ARSL: variants seen among roughly 807,000 people sequenced by gnomAD.
ARSL encodes arylsulfatase E (chondrodysplasia punctata 1).
ARSL carries 4 observed loss-of-function variants against 31.1 expected under a neutral mutation model. The ratio of observed to expected loss-of-function variants is 0.13; its 90% confidence interval spans 0.06 to 0.29. The LOEUF is 0.29. ARSL is among the 10% of genes least tolerant of loss of function. ARSL has a pLI of 1.00. For synonymous variants in ARSL, 198 were observed against 209.9 expected, an observed-to-expected ratio of 0.94 and a Z score of 0.49; for missense variants, 312 against 497.8, an observed-to-expected ratio of 0.63 and a Z score of 3.55.
chrX:2,943,291 C>T, intron 7 of ARSL, 92 bp from the exon 8 acceptor site: 1 of 1,080,186 alleles, frequency 9.3e-7, no homozygotes, highest in Non-Finnish European at 1.3e-6. Flanking sequence ...GGGGGCTAGC[C>T]ACAAGAATGA....
chrX:2,952,550 G>A (rs1164520296), intron 5 of ARSL, among the ~76,000 whole-genome samples: 1 of 111,652 alleles, frequency 9.0e-6, no homozygotes, highest in African/African-American at 3.3e-5. Context: ...TTCACCTCCT[G>A]CCACCATCAC....
At chrX:2,960,996 AT>A (rs201405936) in intron 1 of ARSL, among the ~76,000 whole-genome samples, 3,540 of 111,017 alleles carry the variant, frequency 0.032, 141 homozygotes, top group African/African-American at 0.11. Context: ...AAGTGGGAGG[AT>A]TTGCTTGAGC....
chrX:2,944,200 A>T (rs12394933), intron 7 of ARSL, among the ~76,000 whole-genome samples: 1 of 109,346 alleles, frequency 9.1e-6, no homozygotes, highest in Non-Finnish European at 1.9e-5. Flanking sequence ...TCATCCCTGT[A>T]ATCCCAGCAC....
intron 10 of ARSL, among the ~76,000 whole-genome samples, chrX:2,935,426 A>C (rs910022362): frequency 8.9e-5 from 10 of 112,388 alleles, no homozygotes; most frequent in Non-Finnish European, 1.7e-4. Flanking sequence ...CAGAGAAAGA[A>C]GTTACAAAAG....
intron 10 of ARSL, among the ~76,000 whole-genome samples, 191 bp downstream of exon 10, chrX:2,936,551 T>C (rs2089204483): frequency 1.8e-5 from 2 of 111,282 alleles, no homozygotes; most frequent in South Asian, 7.6e-4. Flanking sequence ...AGAAGGCATG[T>C]CGCTGGAATG....
At chrX:2,938,984 G>C (rs1255784211) in intron 8 of ARSL, among the ~76,000 whole-genome samples, 3 of 110,084 alleles carry the variant, frequency 2.7e-5, no homozygotes, top group East Asian at 2.9e-4. Flanking sequence ...GCAGGAAGGA[G>C]CCTCCCCTAG....
chrX:2,952,452 C>A (rs1269075833), intron 5 of ARSL, among the ~76,000 whole-genome samples: 1 of 111,537 alleles, frequency 9.0e-6, no homozygotes, highest in African/African-American at 3.3e-5. Flanking sequence ...CAGGCATGAG[C>A]CACCGCGCCT....
At chrX:2,942,185 T>C (rs1053228499) in intron 8 of ARSL, among the ~76,000 whole-genome samples, 1 of 112,188 alleles carries the variant, frequency 8.9e-6, no homozygotes, top group Non-Finnish European at 1.9e-5. Context: ...CAAGTTTTAT[T>C]AGAGGTCTGA....
At chrX:2,948,910 C>A (rs1022183254) in intron 6 of ARSL, among the ~76,000 whole-genome samples, 2 of 110,808 alleles carry the variant, frequency 1.8e-5, no homozygotes, top group African/African-American at 6.6e-5. Flanking sequence ...ATTCTTCAAA[C>A]GTCAATTAAA....
At chrX:2,960,198 G>A (rs2089597658) in intron 2 of ARSL, among the ~76,000 whole-genome samples, 180 bp downstream of exon 2, 1 of 79,824 alleles carries the variant, frequency 1.3e-5, no homozygotes, top group Non-Finnish European at 2.6e-5. Flanking sequence ...GAACCCGGGA[G>A]GCGGAGCTTG....
intron 6 of ARSL, 37 bp downstream of exon 6, chrX:2,949,267 C>T: frequency 8.3e-7 from 1 of 1,205,830 alleles, no homozygotes; most frequent in Non-Finnish European, 1.1e-6. Context: ...CATTCCAAAG[C>T]TGAGTGCTTG....
At chrX:2,942,247 A>G (rs1014224948) in intron 8 of ARSL, among the ~76,000 whole-genome samples, 3 of 111,929 alleles carry the variant, frequency 2.7e-5, no homozygotes, top group African/African-American at 9.7e-5. Context: ...AAGGGTAATC[A>G]GCCCTGGCAC....
chrX:2,967,955 A>G (rs2089711138), upstream of ARSL, among the ~76,000 whole-genome samples: 1 of 112,217 alleles, frequency 8.9e-6, no homozygotes, highest in African/African-American at 3.2e-5. Context: ...TTACGTTTGG[A>G]AATCTCCCAT....
upstream of ARSL, among the ~76,000 whole-genome samples, chrX:2,967,030 A>G (rs1257141159): frequency 9.0e-6 from 1 of 111,696 alleles, no homozygotes; most frequent in Non-Finnish European, 1.9e-5. Flanking sequence ...AAAAATGTTT[A>G]TGTGTGTATG....
At chrX:2,967,209 C>A (rs2089706437), upstream of ARSL, among the ~76,000 whole-genome samples, 1 of 111,153 alleles carries the variant, frequency 9.0e-6, no homozygotes, top group Non-Finnish European at 1.9e-5. Flanking sequence ...AAATATAGGA[C>A]CCTCAAACAT....
At chrX:2,948,180 T>C (rs1266453299) in intron 6 of ARSL, among the ~76,000 whole-genome samples, 1 of 111,932 alleles carries the variant, frequency 8.9e-6, no homozygotes, top group Non-Finnish European at 1.9e-5. Flanking sequence ...AACCTCATTG[T>C]CACCAGGTAA....
chrX:2,934,665 A>G lies in ARSL; in HGVS notation c.*167T>C, dbSNP rs5982927. 2,578 of 423,803 alleles carry G rather than the reference A, an allele frequency of 6.1e-3. 47 individuals are homozygous for G. Among genetic ancestry groups the G allele is most frequent in the African/African-American group, 0.057 (2,278 of 39,650 alleles). 34.9% of individuals were successfully genotyped at this position (423,803 alleles called of 1,213,427 possible). A position where few individuals can be genotyped will look rare whatever the true frequency, so the allele number is the denominator to read the frequency against. ...AATTTTTTTTTTATTTTTGTTTTGT[A>G]GAGCTAGAGTTTCATCATGTTGCCC... On this transcript the variant is annotated 3_prime_UTR_variant, in exon 11 of 11. Transcript: ENST00000381134.
chrX:2,934,804 C>G lies in ARSL; in HGVS notation c.*28G>C. 1 of 1,172,750 alleles carries G rather than the reference C, an allele frequency of 8.5e-7. No homozygotes were observed. Among genetic ancestry groups the G allele is most frequent in the Non-Finnish European group, 1.2e-6 (1 of 867,616 alleles). The stretch of plus-strand genomic sequence containing the variant: ...AATTTGAGTGACAAAATTTAGGAAT[C>G]GGGGCTCCAGCTTTTCACTGCAGAC... On this transcript the variant is annotated 3_prime_UTR_variant, in exon 11 of 11. Coordinates refer to ENST00000381134, the MANE Select transcript of ARSL (RefSeq NM_000047.3).
At chrX:2,941,247 C>CT (rs200569564) in intron 8 of ARSL, among the ~76,000 whole-genome samples, 432 of 80,483 alleles carry the variant, frequency 5.4e-3, no homozygotes, top group African/African-American at 0.01. Context: ...TGTCCACAAT[C>CT]TTTTTTTTTT....
Sources: allele counts gnomAD v4.1 joint callset (sites outside exome capture counted in the v4.1 genomes callset), GRCh38; gene constraint gnomAD v4.1.1; transcripts MANE v1.5; gene names NCBI Gene and HGNC (gene_info 2026-07-23, HGNC 2026-07-21).